Variants in NCOR2 observed in about 807,000 individuals in gnomAD.
The protein encoded by NCOR2 is CTG repeat protein 26.
In NCOR2, 81 loss-of-function variants were observed where a neutral mutation model predicts 262.9. The ratio of observed to expected loss-of-function variants is 0.31; its 90% CI spans 0.26 to 0.37. NCOR2 has a LOEUF of 0.37. NCOR2 is among the 10% of genes least tolerant of loss of function. The probability of loss-of-function intolerance (pLI) is 1.00; values close to 1 mark genes in which losing one functional copy is unlikely to be tolerated. For synonymous variants in NCOR2, 1,659 were observed against 1,559.3 expected (o/e 1.06, Z -1.51); for missense variants, 3,385 against 3,621.4 (o/e 0.93, Z 1.68).
chr12:124,487,606 G>A (rs1002806787), intron 1 of NCOR2, among the ~76,000 whole-genome samples: 6 of 152,116 alleles, frequency 3.9e-5, no homozygotes, highest in South Asian at 4.1e-4. Context: ...TCCATCCACC[G>A]ACCCCTCCCT....
At chr12:124,431,613 ACAGT>A (rs1219432146) in intron 8 of NCOR2, among the ~76,000 whole-genome samples, 2 of 151,578 alleles carry the variant, frequency 1.3e-5, no homozygotes, top group East Asian at 3.9e-4. Flanking sequence ...ACACATACAT[ACAGT>A]CAGACAGATA....
At chr12:124,537,226 G>C (rs142802101), upstream of NCOR2, among the ~76,000 whole-genome samples, 1 of 152,226 alleles carries the variant, frequency 6.6e-6, no homozygotes, top group Non-Finnish European at 1.5e-5. Flanking sequence ...ATAATTGTTC[G>C]CTAATCTGCA....
At chr12:124,361,073 G>GAA (rs2038544072) in intron 22 of NCOR2, among the ~76,000 whole-genome samples, 2 of 148,748 alleles carry the variant, frequency 1.3e-5, no homozygotes, top group Non-Finnish European at 3.0e-5. Context: ...AGTGAGCGGA[G>GAA]ATTGTGCCAC....
chr12:124,471,608 G>C (rs1161849820), intron 4 of NCOR2, among the ~76,000 whole-genome samples: 1 of 152,250 alleles, frequency 6.6e-6, no homozygotes. Context: ...GTCTCACTCT[G>C]TTGCCCAGGC....
chr12:124,517,575 A>T lies in NCOR2; in HGVS notation c.-118+17990T>A, dbSNP rs1352702417. ...CCTGCACCTGGCTCTCCCCTGCCTG[A>T]GCCCACCGCGGAGCCCCAGGGCAGA... On this transcript the variant is annotated intron_variant, in intron 1 of 46. Transcript: ENST00000404621. The surrounding 1 kb of genome is among the most constrained non-coding windows in gnomAD (Gnocchi z 7.6). 6.6e-6 allele frequency among the ~76,000 whole-genome samples: 1 copy of T among 152,088 alleles called. No individual in the cohort carries two copies. The highest frequency in any genetic ancestry group is 1.5e-5 in the Non-Finnish European group (1 of 68,004).
chr12:124,496,270 C>A (rs2048376981), upstream of NCOR2, among the ~76,000 whole-genome samples: 1 of 151,824 alleles, frequency 6.6e-6, no homozygotes, highest in Non-Finnish European at 1.5e-5. This position sits in a 1 kb window ranked among gnomAD's most constrained non-coding sequence, Gnocchi z 4.4. Context: ...CTCCGCCAGC[C>A]ACAGCTCCAC....
exon 10 of NCOR2, chr12:124,429,671 G>A (rs1415516579): frequency 3.7e-6 from 6 of 1,608,928 alleles, no homozygotes; most frequent in Admixed American, 3.4e-5. Context: ...GCGGGCGGCC[G>A]ACATGGACAG....
At chr12:124,383,607 C>A in intron 17 of NCOR2, 1 of 229,418 alleles carries the variant, frequency 4.4e-6, no homozygotes, top group Non-Finnish European at 8.1e-6. Flanking sequence ...ATAACAATAA[C>A]CACAGCAGTA....
intron 44 of NCOR2, 43 bp from the exon 47 acceptor site, chr12:124,327,676 G>T: frequency 6.7e-7 from 1 of 1,482,058 alleles, no homozygotes; most frequent in Non-Finnish European, 9.2e-7. Context: ...CATGGGGGCC[G>T]GGGAGGGGGA....
intron 7 of NCOR2, among the ~76,000 whole-genome samples, chr12:124,439,351 AGG>A (rs374534717): frequency 0.062 from 8,069 of 130,966 alleles, 6 homozygotes; most frequent in Admixed American, 0.084. Flanking sequence ...CCAGAGAGAG[AGG>A]GAGACAGAGA....
chr12:124,471,596 G>A (rs971858124), intron 4 of NCOR2, among the ~76,000 whole-genome samples: 1 of 152,254 alleles, frequency 6.6e-6, no homozygotes, highest in East Asian at 1.9e-4. Flanking sequence ...TGTTGAGATA[G>A]AGTCTCACTC....
rs112432730 is a variant in NCOR2, at chr12:124,483,869, G to A, written c.234-96C>T. On this transcript the variant is annotated intron_variant, in intron 2 of 46. Coordinates refer to ENST00000405201, the Ensembl canonical transcript of NCOR2. The surrounding 1 kb of genome is among the most constrained non-coding windows in gnomAD (Gnocchi z 6.3). ...CCTCTGCGCCGAGCATCTACTGCGC[G>A]CCGTGCTCTGTATGATCCTGCCAGG... The A allele has an allele frequency of 1.1e-4, 143 of 1,347,314 alleles. 1 individual carries two copies. Among genetic ancestry groups the A allele is most frequent in the African/African-American group, 1.9e-4 (13 of 67,666 alleles). 83.5% of individuals were successfully genotyped at this position (1,347,314 alleles called of 1,614,324 possible). A position where few individuals can be genotyped will look rare whatever the true frequency, so the allele number is the denominator to read the frequency against.
In NCOR2 at chr12:124,326,329, G is replaced by A. The variant is rs2034635590; in HGVS notation, c.7225C>T (p.Arg2409Ter). 1 of 1,537,576 alleles carries A rather than the reference G, an allele frequency of 6.5e-7. No individual in the cohort carries two copies. The highest frequency in any genetic ancestry group is 8.7e-7 in the Non-Finnish European group (1 of 1,146,526). The change falls in exon 46 of 47, where the codon CGA becomes TGA. Residue 2409 changes from arginine (R) to a stop codon, truncating the protein, a stop_gained. Transcript: ENST00000405201. LOFTEE classifies it high-confidence loss of function. ...CCCGGGGCCGGGGACTTGGCTTTTC[G>A]GCTGCTGGGTCTGCCAGAGACCTTG...
chr12:124,456,507 C>T (rs1200378378), intron 6 of NCOR2, among the ~76,000 whole-genome samples: 3 of 152,222 alleles, frequency 2.0e-5, no homozygotes, highest in Admixed American at 6.5e-5. Context: ...TCGCCATCAT[C>T]GCCATCATCA....
chr12:124,549,542 G>A lies in NCOR2; in HGVS notation c.-164-13931C>T, dbSNP rs1009416239. On this transcript the variant is annotated intron_variant, in intron 1 of 32. Coordinates refer to the NCOR2 transcript ENST00000458234. This position sits in a 1 kb window ranked among gnomAD's most constrained non-coding sequence, Gnocchi z 4.4. ...AGGTACCAAGGGCTTCTGCCCCAGCGCCGGGGCACAGCGGGCTGAGGGAGC... is the reference window on the plus strand; with the variant it reads ...AGGTACCAAGGGCTTCTGCCCCAGCACCGGGGCACAGCGGGCTGAGGGAGC... 5.3e-5 allele frequency among the ~76,000 whole-genome samples: 8 copies of A among 152,086 alleles called. No homozygotes were observed. Among genetic ancestry groups the A allele is most frequent in the African/African-American group, 1.9e-4 (8 of 41,406 alleles).
intron 7 of NCOR2, among the ~76,000 whole-genome samples, chr12:124,448,724 G>A (rs1201831595): frequency 6.6e-6 from 1 of 151,182 alleles, no homozygotes; most frequent in Admixed American, 6.6e-5. Flanking sequence ...TCTCCCCGTC[G>A]ACTAGTCCAG....
At position 124,373,232 on chromosome 12, in the gene NCOR2, T is replaced by TCAC. The variant is rs533564898; in HGVS notation, c.2219-623_2219-622insGTG. On this transcript the variant is annotated intron_variant, in intron 19 of 46. Coordinates refer to ENST00000405201, the Ensembl canonical transcript of NCOR2. The stretch of plus-strand genomic sequence containing the variant: ...CAGGGGACCCGGGCACAGTGGACAA[T>TCAC]GAGGCCAGTGCGTGTGCAGGGGACC... 1.5e-3 allele frequency among the ~76,000 whole-genome samples: 222 copies of TCAC among 145,314 alleles called. 1 individual carries two copies. Among genetic ancestry groups the TCAC allele is most frequent in the African/African-American group, 5.9e-3 (211 of 35,596 alleles).
At chr12:124,534,549 T>C (rs2051021706) in intron 1 of NCOR2, among the ~76,000 whole-genome samples, 1 of 152,184 alleles carries the variant, frequency 6.6e-6, no homozygotes, top group Non-Finnish European at 1.5e-5. Flanking sequence ...AGCACATGAC[T>C]GTATTTGGAA....
chr12:124,484,191 C>G (rs914553743), intron 2 of NCOR2, among the ~76,000 whole-genome samples: 1 of 152,206 alleles, frequency 6.6e-6, no homozygotes, highest in Non-Finnish European at 1.5e-5. Flanking sequence ...CCGGGAAACG[C>G]TGTGAGCCTA....
Sources: gnomAD v4.1 joint callset for allele counts (sites outside exome capture counted in the v4.1 genomes callset) on GRCh38, gnomAD v4.1.1 for gene constraint, Gnocchi (gnomAD v3.1) non-coding constraint, MANE v1.5 for transcripts, NCBI Gene and HGNC (gene_info 2026-07-23, HGNC 2026-07-21) for gene names.